ZBTB20: variants seen among roughly 807,000 people sequenced by gnomAD.
The protein encoded by ZBTB20 is zinc finger and BTB domain-containing protein 20.
In ZBTB20, 9 loss-of-function variants were observed where a neutral mutation model predicts 56.9. The observed-to-expected ratio is 0.16, with a 90% CI of 0.10 to 0.28. ZBTB20 has a LOEUF of 0.28. Ranked by LOEUF, ZBTB20 falls within the 10% of genes least tolerant of loss-of-function variation. The pLI is 1.00. For missense variants in ZBTB20, 655 were observed against 1,003.0 expected (o/e 0.65, Z 4.69); for synonymous variants, 417 against 420.7 (o/e 0.99, Z 0.11).
chr3:114,656,330 C>T (rs1470096939), intron 6 of ZBTB20, among the ~76,000 whole-genome samples: 2 of 152,176 alleles, frequency 1.3e-5, no homozygotes, highest in Non-Finnish European at 2.9e-5. Flanking sequence ...ATGATTTCCT[C>T]AAATATCATT....
intron 5 of ZBTB20, among the ~76,000 whole-genome samples, chr3:114,749,631 C>T (rs1247998209): frequency 6.9e-6 from 1 of 145,580 alleles, no homozygotes; most frequent in East Asian, 1.9e-4. Flanking sequence ...AATAAATTGG[C>T]TATGCCTCCA....
At chr3:114,748,934 C>T (rs934724067) in intron 5 of ZBTB20, among the ~76,000 whole-genome samples, 4 of 152,000 alleles carry the variant, frequency 2.6e-5, no homozygotes, top group Non-Finnish European at 5.9e-5. Flanking sequence ...ATAATAAAAA[C>T]AATTCTTCAG....
chr3:114,893,038 T>A (rs187415130), intron 4 of ZBTB20, among the ~76,000 whole-genome samples: 6 of 152,290 alleles, frequency 3.9e-5, no homozygotes, highest in South Asian at 4.1e-4. Context: ...TCCCAAATCA[T>A]TGGGTACAGC....
Position 114,323,263 on chromosome 3 carries a change from T to C in ZBTB20, c.*15742A>G, listed in dbSNP as rs533081848. 6.6e-6 allele frequency: 1 copy of C among 152,352 alleles called. No individual in the cohort carries two copies. Among genetic ancestry groups the C allele is most frequent in the Non-Finnish European group, 1.5e-5 (1 of 68,024 alleles). The allele number at this position is 152,352 out of a possible 1,614,324, so 9.4% of individuals were successfully genotyped here. On this transcript the variant is annotated 3_prime_UTR_variant, in exon 12 of 12. Transcript: ENST00000675478. Reference sequence around the variant, plus strand: ...ATTAAGGTCTTCTGCTTAGTAAGGATAGTCTATGATGGAGCAGCTAGTATG... The same window carrying C: ...ATTAAGGTCTTCTGCTTAGTAAGGACAGTCTATGATGGAGCAGCTAGTATG...
intron 6 of ZBTB20, among the ~76,000 whole-genome samples, chr3:114,502,164 T>C (rs184982622): frequency 1.3e-5 from 2 of 152,312 alleles, no homozygotes; most frequent in Admixed American, 1.3e-4. Context: ...ACAGGGTGAT[T>C]CAATCTTGCC....
intron 2 of ZBTB20, among the ~76,000 whole-genome samples, chr3:115,007,523 A>G (rs1012150477): frequency 2.6e-5 from 4 of 151,852 alleles, no homozygotes; most frequent in Non-Finnish European, 5.9e-5. Context: ...TCTCACTTAT[A>G]TGCTCAACTT....
chr3:114,975,469 T>C (rs894173555), intron 2 of ZBTB20, among the ~76,000 whole-genome samples: 1 of 152,180 alleles, frequency 6.6e-6, no homozygotes, highest in Non-Finnish European at 1.5e-5. Context: ...TAATTGACTA[T>C]ATCATTAATA....
intron 6 of ZBTB20, among the ~76,000 whole-genome samples, chr3:114,557,753 A>G (rs2051436071): frequency 1.3e-5 from 2 of 151,988 alleles, no homozygotes; most frequent in African/African-American, 2.4e-5. Context: ...ATTGCATACT[A>G]CACCAAATTT....
chr3:114,553,902 C>A (rs2050880817), intron 6 of ZBTB20, among the ~76,000 whole-genome samples: 1 of 152,120 alleles, frequency 6.6e-6, no homozygotes, highest in Non-Finnish European at 1.5e-5. Flanking sequence ...CATTTAAAGT[C>A]AGTAACCCTA....
chr3:114,415,743 A>G (rs2088480471), intron 7 of ZBTB20, among the ~76,000 whole-genome samples: 1 of 152,042 alleles, frequency 6.6e-6, no homozygotes. Context: ...GCTTGATACT[A>G]ATGCATCTGA....
intron 5 of ZBTB20, among the ~76,000 whole-genome samples, chr3:114,757,309 C>G (rs896302508): frequency 4.6e-5 from 7 of 152,108 alleles, no homozygotes; most frequent in African/African-American, 1.7e-4. Flanking sequence ...CATTCACTTA[C>G]CATACGTCAA....
At chr3:115,133,337 T>C (rs1460601269) in intron 1 of ZBTB20, among the ~76,000 whole-genome samples, 4 of 152,238 alleles carry the variant, frequency 2.6e-5, no homozygotes, top group East Asian at 1.9e-4. Flanking sequence ...TCATTTCTAA[T>C]TGTGTACTTT....
chr3:115,017,281 C>CG (rs1273771872), intron 2 of ZBTB20, among the ~76,000 whole-genome samples: 1 of 151,362 alleles, frequency 6.6e-6, no homozygotes, highest in Non-Finnish European at 1.5e-5. Flanking sequence ...CCATTCACAA[C>CG]TGCTACAAAA....
intron 7 of ZBTB20, among the ~76,000 whole-genome samples, chr3:114,389,721 C>G (rs567044007): frequency 2.0e-5 from 1 of 49,536 alleles, no homozygotes; most frequent in Non-Finnish European, 4.0e-5. Context: ...AACCCCGTCT[C>G]TACTAAAATG....
intron 7 of ZBTB20, among the ~76,000 whole-genome samples, chr3:114,457,373 G>A (rs2092082834): frequency 1.3e-5 from 2 of 152,152 alleles, no homozygotes; most frequent in African/African-American, 4.8e-5. Flanking sequence ...AGGAAGGTGT[G>A]TAAACAAAAG....
At chr3:114,995,989 T>A (rs1336223447) in intron 2 of ZBTB20, among the ~76,000 whole-genome samples, 2 of 151,754 alleles carry the variant, frequency 1.3e-5, no homozygotes, top group Non-Finnish European at 2.9e-5. Flanking sequence ...AGAGGGAATG[T>A]CAGCAAATGT....
At chr3:114,537,356 A>G (rs988168383) in intron 6 of ZBTB20, among the ~76,000 whole-genome samples, 2 of 152,242 alleles carry the variant, frequency 1.3e-5, no homozygotes, top group African/African-American at 2.4e-5. Flanking sequence ...AAAAGAAGAC[A>G]TTTATGTGGT....
chr3:114,830,971 C>T (rs551089657), intron 4 of ZBTB20, among the ~76,000 whole-genome samples: 4 of 151,772 alleles, frequency 2.6e-5, no homozygotes, highest in Middle Eastern at 3.4e-3. Flanking sequence ...ATATTAAGCC[C>T]GGATTTATCT....
chr3:114,376,249 G>A (rs78559852), intron 10 of ZBTB20, among the ~76,000 whole-genome samples: 3,831 of 152,248 alleles, frequency 0.025, 169 homozygotes, highest in African/African-American at 0.086. Flanking sequence ...TAAAAGCTGT[G>A]CTCCTTTCCA....
Sources: allele counts gnomAD v4.1 joint callset (sites outside exome capture counted in the v4.1 genomes callset), GRCh38; gene constraint gnomAD v4.1.1; transcripts MANE v1.5; gene names NCBI Gene and HGNC (gene_info 2026-07-23, HGNC 2026-07-21).